Variants in RAB10 observed in about 807,000 individuals in gnomAD.
RAB10 encodes the protein ras-related protein Rab-10.
Under a neutral mutation model 25.7 loss-of-function variants are expected in RAB10, and 5 were observed. The ratio of observed to expected loss-of-function variants is 0.19; its 90% CI spans 0.10 to 0.41. The LOEUF (loss-of-function observed/expected upper bound fraction) is 0.41. Ranked by LOEUF, RAB10 falls within the 10% of genes least tolerant of loss-of-function variation. RAB10 has a pLI of 1.00. For missense variants in RAB10, 103 were observed against 245.8 expected (o/e 0.42, Z 3.89); for synonymous variants, 89 against 86.4 (o/e 1.03, Z -0.16).
intron 3 of RAB10, among the ~76,000 whole-genome samples, chr2:26,121,380 C>T (rs1031329018): frequency 6.6e-6 from 1 of 151,586 alleles, no homozygotes; most frequent in East Asian, 1.9e-4. Context: ...GATGGGGACT[C>T]GCAGTGTTGC....
chr2:26,076,159 T>C (rs1409392849), intron 1 of RAB10, among the ~76,000 whole-genome samples: 1 of 152,058 alleles, frequency 6.6e-6, no homozygotes, highest in Non-Finnish European at 1.5e-5. Context: ...TGATCTCATT[T>C]AATCCCCATA....
At chr2:26,033,555 C>T (rs1665679069), upstream of RAB10, among the ~76,000 whole-genome samples, 1 of 152,258 alleles carries the variant, frequency 6.6e-6, no homozygotes, top group South Asian at 2.1e-4. Context: ...GCGTCTCGTT[C>T]TAGCAAAGAG....
intron 1 of RAB10, among the ~76,000 whole-genome samples, chr2:26,088,637 C>A (rs559713242): frequency 2.0e-5 from 3 of 151,986 alleles, no homozygotes; most frequent in Admixed American, 1.3e-4. Flanking sequence ...TGGAGTCTTG[C>A]GAATCTTGCT....
intron 3 of RAB10, among the ~76,000 whole-genome samples, chr2:26,111,387 C>A (rs557598451): frequency 1.8e-4 from 28 of 152,132 alleles, no homozygotes; most frequent in African/African-American, 6.0e-4. Context: ...GGCGGATCAC[C>A]TGAGGTCAGG....
At chr2:26,075,810 A>G (rs976316516) in intron 1 of RAB10, among the ~76,000 whole-genome samples, 4 of 152,094 alleles carry the variant, frequency 2.6e-5, no homozygotes, top group Non-Finnish European at 5.9e-5. Flanking sequence ...TGATGTAGAA[A>G]AATATGAAAA....
At chr2:26,033,880 A>G (rs1293596414), upstream of RAB10, among the ~76,000 whole-genome samples, 2 of 152,172 alleles carry the variant, frequency 1.3e-5, no homozygotes, top group Non-Finnish European at 2.9e-5. Flanking sequence ...GCACCCTATC[A>G]GGCGGCCACA....
chr2:26,050,261 T>A (rs1666103394), intron 1 of RAB10, among the ~76,000 whole-genome samples: 1 of 152,346 alleles, frequency 6.6e-6, no homozygotes, highest in South Asian at 2.1e-4. Flanking sequence ...CATAGAGTTC[T>A]AGGTTGAAAA....
chr2:26,053,180 T>C (rs10202478), intron 1 of RAB10, among the ~76,000 whole-genome samples: 122,397 of 152,108 alleles, frequency 0.8, 49,297 homozygotes, highest in East Asian at 0.87. Context: ...TTTTAAAACT[T>C]GTAACATTAG....
In RAB10 at chr2:26,135,597, A is replaced by G. The variant is rs556390406; in HGVS notation, c.*576A>G. 1 of 152,680 alleles carries G rather than the reference A, an allele frequency of 6.5e-6. No homozygotes were observed. The highest frequency in any genetic ancestry group is 2.4e-5 in the African/African-American group (1 of 41,454). The allele number at this position is 152,680 out of a possible 1,614,324, so 9.5% of individuals were successfully genotyped here. A position where few individuals can be genotyped will look rare whatever the true frequency, so the allele number is the denominator to read the frequency against. ...TCTGGTGGAAGCATGTGCAGGAGACATATCATCCAAACATAAACCATTAAA... is the reference window on the plus strand; with the variant it reads ...TCTGGTGGAAGCATGTGCAGGAGACGTATCATCCAAACATAAACCATTAAA... On this transcript the variant is annotated 3_prime_UTR_variant, in exon 6 of 6. Transcript: ENST00000264710.
intron 1 of RAB10, among the ~76,000 whole-genome samples, chr2:26,053,834 C>G (rs1285560808): frequency 6.6e-6 from 1 of 152,080 alleles, no homozygotes; most frequent in South Asian, 2.1e-4. Flanking sequence ...ATTCTCCTGC[C>G]TCAGCCTCCT....
At chr2:26,091,325 CAT>C (rs983906641) in intron 1 of RAB10, among the ~76,000 whole-genome samples, 4 of 152,014 alleles carry the variant, frequency 2.6e-5, no homozygotes, top group Admixed American at 6.6e-5. Flanking sequence ...GGGTGGGAAA[CAT>C]AGAGAAATAT....
chr2:26,050,400 T>G (rs1166095198), intron 1 of RAB10, among the ~76,000 whole-genome samples: 1 of 152,154 alleles, frequency 6.6e-6, no homozygotes, highest in Admixed American at 6.6e-5. Flanking sequence ...TAGTTTATCT[T>G]TGGAAGATTT....
chr2:26,041,904 C>T (rs1399667673), intron 1 of RAB10, among the ~76,000 whole-genome samples: 2 of 149,036 alleles, frequency 1.3e-5, no homozygotes, highest in South Asian at 4.2e-4. Context: ...AACTCTGTCT[C>T]AAAAAAAAAG....
chr2:26,062,970 C>T (rs575211903), intron 1 of RAB10, among the ~76,000 whole-genome samples: 151 of 152,108 alleles, frequency 9.9e-4, no homozygotes, highest in African/African-American at 3.4e-3. Flanking sequence ...CAAAAATTAG[C>T]CAGGCATGGT....
At position 26,082,845 on chromosome 2, in the gene RAB10, A is replaced by G. The variant is rs1666897611; in HGVS notation, c.128-15817A>G. 2.0e-5 allele frequency among the ~76,000 whole-genome samples: 3 copies of G among 152,322 alleles called. No homozygotes were observed. In the South Asian group the frequency reaches 6.2e-4, roughly 32 times the overall value. ...TTTTTCAAGAACATAATAATTATTA[A>G]CTAAATAATTGCAAACCAAATCCAG... On this transcript the variant is annotated intron_variant, in intron 1 of 5. Transcript: ENST00000264710.
intron 1 of RAB10, among the ~76,000 whole-genome samples, chr2:26,035,685 C>T (rs909887795): frequency 2.0e-5 from 3 of 152,172 alleles, no homozygotes; most frequent in Non-Finnish European, 4.4e-5. Context: ...TCTTAAAAGA[C>T]ACATGGCTCT....
intron 1 of RAB10, among the ~76,000 whole-genome samples, chr2:26,080,037 A>G (rs944134823): frequency 6.6e-6 from 1 of 152,234 alleles, no homozygotes; most frequent in African/African-American, 2.4e-5. Context: ...GGAGAAATAC[A>G]GAATGATCCT....
At chr2:26,122,647 G>A (rs1011141628) in intron 3 of RAB10, among the ~76,000 whole-genome samples, 27 of 151,122 alleles carry the variant, frequency 1.8e-4, no homozygotes, top group African/African-American at 5.3e-4. Context: ...CAAAAAAAAA[G>A]GGCATACTTG....
At chr2:26,057,709 A>G (rs561321877) in intron 1 of RAB10, among the ~76,000 whole-genome samples, 1 of 151,690 alleles carries the variant, frequency 6.6e-6, no homozygotes, top group Non-Finnish European at 1.5e-5. Flanking sequence ...TGCAACCTTC[A>G]TCTCCCGAGT....
Sources: allele counts gnomAD v4.1 joint callset (sites outside exome capture counted in the v4.1 genomes callset), GRCh38; gene constraint gnomAD v4.1.1; transcripts MANE v1.5; gene names NCBI Gene and HGNC (gene_info 2026-07-23, HGNC 2026-07-21).